The following GPC5 variants were observed in gnomAD, a reference collection of about 807,000 sequenced individuals.
The protein encoded by GPC5 is glypican-5.
In GPC5, 47 loss-of-function variants were observed where a neutral mutation model predicts 53.9. That is an observed-to-expected ratio of 0.87 (90% CI 0.69 to 1.11). The LOEUF is 1.11. Among genes scored for constraint, GPC5 ranks in the 50% most tolerant of loss-of-function variants. The probability of loss-of-function intolerance (pLI) is 0.00; values close to 1 mark genes in which losing one functional copy is unlikely to be tolerated. For missense variants in GPC5, 748 were observed against 713.1 expected, an observed-to-expected ratio of 1.05 and a Z score of -0.56; for synonymous variants, 286 against 263.3, an observed-to-expected ratio of 1.09 and a Z score of -0.84.
chr13:91,984,880 T>G (rs1044410744), intron 6 of GPC5, among the ~76,000 whole-genome samples: 2 of 152,192 alleles, frequency 1.3e-5, no homozygotes, highest in East Asian at 3.8e-4. Context: ...GAGATTTGCT[T>G]TATGGTGTAA....
intron 7 of GPC5, among the ~76,000 whole-genome samples, chr13:92,572,002 G>A (rs532127956): frequency 2.1e-4 from 32 of 152,160 alleles, no homozygotes; most frequent in African/African-American, 5.3e-4. Context: ...AACACTGCAC[G>A]CCGGCCTGGA....
rs942055615 is a variant in GPC5, at chr13:92,632,773, C to T, written c.1562-233509C>T. On this transcript the variant is annotated intron_variant, in intron 7 of 7. Transcript: ENST00000377067. The stretch of plus-strand genomic sequence containing the variant: ...GGTTTAAGTTGGACTCTCAGTTCCA[C>T]GTGGCTAGGGAGGCCTTACAATCCT... 2.0e-4 allele frequency among the ~76,000 whole-genome samples: 30 copies of T among 152,172 alleles called. 2 individuals are homozygous for T. The South Asian group carries it at 3.9e-3, about 20-fold the overall frequency.
intron 2 of GPC5, among the ~76,000 whole-genome samples, chr13:91,689,442 T>G: frequency 6.7e-6 from 1 of 149,962 alleles, no homozygotes; most frequent in Non-Finnish European, 1.5e-5. Context: ...AAATCTTTCT[T>G]CAATAACAAA....
chr13:92,634,279 A>G (rs1000502553), intron 7 of GPC5, among the ~76,000 whole-genome samples: 1 of 152,114 alleles, frequency 6.6e-6, no homozygotes, highest in African/African-American at 2.4e-5. Flanking sequence ...AAACATTTTA[A>G]TTATCAAGGG....
intron 7 of GPC5, among the ~76,000 whole-genome samples, chr13:92,685,572 T>TAA (rs1887246890): frequency 1.9e-5 from 2 of 106,376 alleles, no homozygotes; most frequent in Non-Finnish European, 4.0e-5. Flanking sequence ...TTTTTTTTTT[T>TAA]TTATTATACT....
intron 7 of GPC5, among the ~76,000 whole-genome samples, chr13:92,207,238 T>C (rs2042344238): frequency 6.6e-6 from 1 of 152,188 alleles, no homozygotes; most frequent in African/African-American, 2.4e-5. Context: ...TGGATTGTCT[T>C]GAGCACTAGA....
chr13:91,575,750 A>T (rs1414538333), intron 2 of GPC5, among the ~76,000 whole-genome samples: 2 of 152,150 alleles, frequency 1.3e-5, no homozygotes, highest in Admixed American at 6.6e-5. Flanking sequence ...AGATGAGAAA[A>T]TTGAGTCTTT....
At chr13:92,250,874 G>GA (rs778640195) in intron 7 of GPC5, among the ~76,000 whole-genome samples, 7 of 151,376 alleles carry the variant, frequency 4.6e-5, no homozygotes, top group South Asian at 2.1e-4. Flanking sequence ...TTTATTGATT[G>GA]AAAAAAAAGG....
chr13:92,702,544 A>G (rs9516124), intron 7 of GPC5, among the ~76,000 whole-genome samples: 80,592 of 151,774 alleles, frequency 0.53, 22,091 homozygotes, highest in East Asian at 0.84. Flanking sequence ...AGAAATCCAT[A>G]AGGAAATCCT....
intron 7 of GPC5, among the ~76,000 whole-genome samples, chr13:92,440,465 GTA>G (rs1275831334): frequency 1.3e-5 from 2 of 152,116 alleles, no homozygotes; most frequent in African/African-American, 4.8e-5. Flanking sequence ...GTATTCCATG[GTA>G]TATACGTACC....
At chr13:92,654,737 T>C (rs557139837) in intron 7 of GPC5, among the ~76,000 whole-genome samples, 1 of 134,618 alleles carries the variant, frequency 7.4e-6, no homozygotes, top group Admixed American at 8.1e-5. Context: ...CTCAACTCTT[T>C]TTACCTTGTA....
chr13:91,682,779 TGC>T (rs754486157), intron 2 of GPC5, among the ~76,000 whole-genome samples: 6 of 152,212 alleles, frequency 3.9e-5, no homozygotes, highest in Non-Finnish European at 7.3e-5. Context: ...ACAGCTATCC[TGC>T]CCTTGGTCAG....
chr13:92,151,440 A>C (rs908587960), intron 7 of GPC5, among the ~76,000 whole-genome samples: 1 of 152,114 alleles, frequency 6.6e-6, no homozygotes, highest in South Asian at 2.1e-4. Flanking sequence ...AATACTCTCT[A>C]TTAAAGCATG....
chr13:92,099,537 T>C (rs2041449002), intron 6 of GPC5, among the ~76,000 whole-genome samples: 1 of 152,192 alleles, frequency 6.6e-6, no homozygotes, highest in Admixed American at 6.5e-5. Flanking sequence ...GATGGAACTG[T>C]GTTTTTGCTT....
chr13:91,904,252 G>C (rs1025734673), intron 5 of GPC5, among the ~76,000 whole-genome samples: 3 of 146,620 alleles, frequency 2.0e-5, no homozygotes, highest in Non-Finnish European at 4.4e-5. Flanking sequence ...ACAGCTCACT[G>C]CAGCATTAAT....
chr13:92,775,743 TAA>T (rs1875780498), intron 7 of GPC5, among the ~76,000 whole-genome samples: 1 of 152,216 alleles, frequency 6.6e-6, no homozygotes, highest in South Asian at 2.1e-4. Context: ...CTCATATCTA[TAA>T]GAGTTCAGTT....
intron 7 of GPC5, among the ~76,000 whole-genome samples, chr13:92,321,569 C>T (rs1387672489): frequency 6.6e-6 from 1 of 152,136 alleles, no homozygotes; most frequent in African/African-American, 2.4e-5. Flanking sequence ...CACCACTGCA[C>T]TTCAGCCTGG....
At chr13:92,026,446 C>A (rs913235395) in intron 6 of GPC5, among the ~76,000 whole-genome samples, 3 of 148,872 alleles carry the variant, frequency 2.0e-5, no homozygotes, top group Non-Finnish European at 4.5e-5. Flanking sequence ...GGATTTTTTT[C>A]TTTTTTCTTT....
intron 7 of GPC5, among the ~76,000 whole-genome samples, chr13:92,822,866 G>A (rs1465474332): frequency 6.6e-6 from 1 of 151,982 alleles, no homozygotes; most frequent in East Asian, 1.9e-4. Context: ...TGTCATAGTG[G>A]AAACTGTTCA....
Sources: allele counts gnomAD v4.1 joint callset (sites outside exome capture counted in the v4.1 genomes callset), GRCh38; gene constraint gnomAD v4.1.1; transcripts MANE v1.5; gene names NCBI Gene and HGNC (gene_info 2026-07-23, HGNC 2026-07-21).